Variants in ABHD3 observed in about 807,000 individuals in gnomAD.
ABHD3 encodes abhydrolase domain containing 3, phospholipase.
A neutral mutation model predicts 48.8 loss-of-function variants in ABHD3; 46 were observed. The observed-to-expected ratio is 0.94, with a 90% CI of 0.74 to 1.20. ABHD3 has a LOEUF of 1.20. Among genes scored for constraint, ABHD3 ranks in the 50% most tolerant of loss-of-function variants. The pLI is 0.00. For missense variants in ABHD3, 490 were observed against 497.8 expected (o/e 0.98, Z 0.15); for synonymous variants, 192 against 183.7 (o/e 1.04, Z -0.36).
intron 4 of ABHD3, among the ~76,000 whole-genome samples, chr18:21,679,457 A>G (rs2039958472): frequency 6.6e-6 from 1 of 152,260 alleles, no homozygotes; most frequent in South Asian, 2.1e-4. Context: ...TACTTCTTAT[A>G]CCCTAATGAT....
chr18:21,702,508 A>G lies in ABHD3; in HGVS notation c.327-10T>C, dbSNP rs528380811. 3 of 1,570,044 alleles carry G rather than the reference A, an allele frequency of 1.9e-6. No individual in the cohort carries two copies. The highest frequency in any genetic ancestry group is 4.6e-5 in the East Asian group (2 of 43,906). On this transcript the variant is annotated splice_polypyrimidine_tract_variant and intron_variant, in intron 2 of 8. Coordinates refer to ENST00000289119, the MANE Select transcript of ABHD3 (RefSeq NM_138340.5). ...AGTTTTAATAAGTTCACTGAAAGGA[A>G]TAATTCAGAAGACATTACTATTTAC...
At chr18:21,693,100 T>C (rs927844665) in intron 3 of ABHD3, among the ~76,000 whole-genome samples, 7 of 152,222 alleles carry the variant, frequency 4.6e-5, no homozygotes, top group African/African-American at 1.7e-4. Flanking sequence ...ATCTTCTTCG[T>C]ATTAATAACA....
chr18:21,663,914 T>C, intron 5 of ABHD3: 1 of 1,433,622 alleles, frequency 7.0e-7, no homozygotes, highest in Non-Finnish European at 9.1e-7. Context: ...CAGAGACCCG[T>C]AGTTAAGAAA....
chr18:21,691,279 C>CA (rs1416096402), intron 3 of ABHD3, among the ~76,000 whole-genome samples: 28 of 152,148 alleles, frequency 1.8e-4, no homozygotes, highest in African/African-American at 6.3e-4. Context: ...ATACATGAAG[C>CA]AAAATTAATA....
Position 21,703,763 on chromosome 18 carries a change from G to A in ABHD3, c.163-16C>T. 1 of 1,610,544 alleles carries A rather than the reference G, an allele frequency of 6.2e-7. No homozygotes were observed. The highest frequency in any genetic ancestry group is 1.3e-5 in the African/African-American group (1 of 74,984). On this transcript the variant is annotated splice_polypyrimidine_tract_variant and intron_variant, in intron 1 of 8. Transcript: ENST00000289119. ...ACTGGGGTTTCTGAAGGGAAAAGCAGTATCAGAGAAGGGCCCAGAGCAAAG... is the reference window on the plus strand; with the variant it reads ...ACTGGGGTTTCTGAAGGGAAAAGCAATATCAGAGAAGGGCCCAGAGCAAAG...
At chr18:21,684,688 G>T (rs914374783) in intron 3 of ABHD3, among the ~76,000 whole-genome samples, 2 of 152,064 alleles carry the variant, frequency 1.3e-5, no homozygotes, top group Admixed American at 6.6e-5. Context: ...ACATTCATAC[G>T]TATCTATTTA....
At chr18:21,702,279 T>C in intron 3 of ABHD3, 37 bp downstream of exon 3, 2 of 1,462,228 alleles carry the variant, frequency 1.4e-6, no homozygotes, top group Non-Finnish European at 1.8e-6. Flanking sequence ...TCATTTGGAA[T>C]GGATCAAGTG....
At chr18:21,683,317 T>G (rs1254876265) in intron 4 of ABHD3, among the ~76,000 whole-genome samples, 1 of 151,996 alleles carries the variant, frequency 6.6e-6, no homozygotes, top group Non-Finnish European at 1.5e-5. Flanking sequence ...AACTCAGAAT[T>G]AGAGGGGGAA....
At chr18:21,658,984 A>C (rs2039419743) in intron 6 of ABHD3, among the ~76,000 whole-genome samples, 186 bp downstream of exon 6, 1 of 151,944 alleles carries the variant, frequency 6.6e-6, no homozygotes, top group South Asian at 2.1e-4. Context: ...GACTACAGGC[A>C]CACATCACCA....
In ABHD3 at chr18:21,704,487, C is replaced by A; in HGVS notation, c.162+17G>T. 1 of 1,391,898 alleles carries A rather than the reference C, an allele frequency of 7.2e-7. No homozygotes were observed. The allele number at this position is 1,391,898 out of a possible 1,614,324, so 86.2% of individuals were successfully genotyped here. ...CCTGGCCCAGCAGCCCGCGGCCCTG[C>A]GCCACCCCCGGCTCACCTTGGCAAT... On this transcript the variant is annotated intron_variant, in intron 1 of 8. Transcript: ENST00000289119.
intron 3 of ABHD3, among the ~76,000 whole-genome samples, chr18:21,687,016 T>C (rs935201413): frequency 6.6e-6 from 1 of 151,848 alleles, no homozygotes; most frequent in Non-Finnish European, 1.5e-5. Context: ...CCTGGGCTCA[T>C]GTGATTCTCA....
intron 3 of ABHD3, among the ~76,000 whole-genome samples, chr18:21,687,809 T>TTC (rs2040161555): frequency 6.6e-6 from 1 of 152,180 alleles, no homozygotes; most frequent in Non-Finnish European, 1.5e-5. Flanking sequence ...AGCACAGAGT[T>TTC]TCTCAATCTT....
At chr18:21,666,571 C>G (rs1214585814) in intron 4 of ABHD3, among the ~76,000 whole-genome samples, 2 of 152,194 alleles carry the variant, frequency 1.3e-5, no homozygotes, top group Non-Finnish European at 2.9e-5. Flanking sequence ...CTCAAATGAT[C>G]TACCCGCCCT....
At chr18:21,652,572 C>G (rs1005873664) in intron 8 of ABHD3, among the ~76,000 whole-genome samples, 1 of 151,886 alleles carries the variant, frequency 6.6e-6, no homozygotes, top group Non-Finnish European at 1.5e-5. Context: ...GTCAAGAGAT[C>G]GAGACCATCC....
intron 3 of ABHD3, among the ~76,000 whole-genome samples, chr18:21,696,057 C>T (rs977083272): frequency 1.3e-5 from 2 of 150,830 alleles, no homozygotes; most frequent in South Asian, 4.2e-4. Context: ...AAATTTTTTT[C>T]TTTTTCTTCC....
intron 5 of ABHD3, among the ~76,000 whole-genome samples, chr18:21,659,961 C>CAT (rs2039449378): frequency 7.9e-6 from 1 of 126,536 alleles, no homozygotes; most frequent in South Asian, 2.4e-4. Flanking sequence ...TTGCACCCGG[C>CAT]CTTTTTTTTT....
intron 8 of ABHD3, among the ~76,000 whole-genome samples, chr18:21,656,576 CAT>C (rs764701428): frequency 1.3e-4 from 20 of 152,106 alleles, no homozygotes; most frequent in Non-Finnish European, 2.6e-4. Flanking sequence ...AGGACTGTAA[CAT>C]AATCTGTCCA....
chr18:21,666,694 C>G (rs1462532774), intron 4 of ABHD3, among the ~76,000 whole-genome samples: 1 of 152,174 alleles, frequency 6.6e-6, no homozygotes, highest in Non-Finnish European at 1.5e-5. Flanking sequence ...CTGCAGTAGA[C>G]ACTTAAAATA....
chr18:21,677,745 G>T (rs943336259), intron 4 of ABHD3, among the ~76,000 whole-genome samples: 8 of 151,468 alleles, frequency 5.3e-5, no homozygotes, highest in Non-Finnish European at 1.0e-4. Flanking sequence ...GTGCAGTGGC[G>T]TGATCTCGGC....
Sources: gnomAD v4.1 joint callset for allele counts (sites outside exome capture counted in the v4.1 genomes callset) on GRCh38, gnomAD v4.1.1 for gene constraint, MANE v1.5 for transcripts, NCBI Gene and HGNC (gene_info 2026-07-23, HGNC 2026-07-21) for gene names.